PRKG1: variants seen among roughly 807,000 people sequenced by gnomAD.
PRKG1 encodes the protein cGMP-dependent protein kinase 1.
Under a neutral mutation model 88.1 loss-of-function variants are expected in PRKG1, and 35 were observed. The ratio of observed to expected loss-of-function variants is 0.40; its 90% CI spans 0.30 to 0.53. The LOEUF is 0.53. PRKG1 is among the 20% of genes least tolerant of loss of function. The pLI is 0.59. For missense variants in PRKG1, 540 were observed against 839.8 expected (o/e 0.64, Z 4.41); for synonymous variants, 303 against 292.5 (o/e 1.04, Z -0.37).
chr10:51,884,128 T>A (rs970776763), intron 4 of PRKG1, among the ~76,000 whole-genome samples: 3 of 151,734 alleles, frequency 2.0e-5, no homozygotes, highest in African/African-American at 4.8e-5. Context: ...GTGATACTTT[T>A]GTTTGAATGA....
At chr10:51,476,633 A>G (rs1444687535) in intron 3 of PRKG1, among the ~76,000 whole-genome samples, 1 of 151,916 alleles carries the variant, frequency 6.6e-6, no homozygotes, top group Admixed American at 6.6e-5. Context: ...CTTTATTTCT[A>G]AAGTAAAATT....
chr10:51,498,830 T>TA (rs1840938445), intron 3 of PRKG1, among the ~76,000 whole-genome samples: 1 of 152,064 alleles, frequency 6.6e-6, no homozygotes. Context: ...ATGGTTCTCT[T>TA]ACCTAATACT....
chr10:51,317,564 A>G (rs553120416), intron 2 of PRKG1, among the ~76,000 whole-genome samples: 2 of 152,318 alleles, frequency 1.3e-5, no homozygotes, highest in African/African-American at 4.8e-5. Flanking sequence ...AAGTAGTTGA[A>G]AGGGAAAGAA....
At chr10:51,904,464 G>A (rs1842043899) in intron 4 of PRKG1, among the ~76,000 whole-genome samples, 1 of 152,040 alleles carries the variant, frequency 6.6e-6, no homozygotes, top group African/African-American at 2.4e-5. Context: ...ATTCTGAATT[G>A]TTTTGTTCCT....
chr10:51,274,502 T>TA (rs1454179358), intron 2 of PRKG1, among the ~76,000 whole-genome samples: 2 of 152,214 alleles, frequency 1.3e-5, no homozygotes, highest in Non-Finnish European at 2.9e-5. Flanking sequence ...CTCTGAGCCT[T>TA]AGTTTCCCCA....
At chr10:51,240,782 C>T (rs1190230386) in intron 2 of PRKG1, among the ~76,000 whole-genome samples, 1 of 152,042 alleles carries the variant, frequency 6.6e-6, no homozygotes, top group East Asian at 1.9e-4. Flanking sequence ...AAGAAAACTC[C>T]CTACTTAAAG....
chr10:51,793,197 C>A (rs1315753310), intron 3 of PRKG1, among the ~76,000 whole-genome samples: 1 of 141,882 alleles, frequency 7.0e-6, no homozygotes, highest in African/African-American at 2.6e-5. Context: ...ACAATATGAC[C>A]AGAATGAGAA....
intron 9 of PRKG1, among the ~76,000 whole-genome samples, chr10:52,235,586 T>C (rs1247557406): frequency 2.2e-5 from 3 of 134,954 alleles, no homozygotes; most frequent in Admixed American, 7.5e-5. Flanking sequence ...TACATAATGG[T>C]AAAGGGATCA....
chr10:52,239,924 T>A lies in PRKG1; in HGVS notation c.1077-11646T>A, dbSNP rs1840814997. ...GGAAAATGTATGGAAAGGCACCAGTTTCTAATATTATAGTCATCTCAATAT... is the reference window on the plus strand; with the variant it reads ...GGAAAATGTATGGAAAGGCACCAGTATCTAATATTATAGTCATCTCAATAT... On this transcript the variant is annotated intron_variant, in intron 9 of 17. Transcript: ENST00000373980. Among the ~76,000 whole-genome samples the A allele has an allele frequency of 2.0e-5, 3 of 152,190 alleles. No homozygotes were observed. The South Asian group carries it at 6.2e-4, about 31-fold the overall frequency.
chr10:51,317,314 A>T (rs1253041875), intron 2 of PRKG1, among the ~76,000 whole-genome samples: 1 of 152,196 alleles, frequency 6.6e-6, no homozygotes, highest in Non-Finnish European at 1.5e-5. Context: ...CAAGAGTCAC[A>T]TGTGGGCAAA....
intron 2 of PRKG1, among the ~76,000 whole-genome samples, chr10:51,345,352 ATAATGAC>A (rs1389629968): frequency 1.3e-5 from 2 of 152,292 alleles, no homozygotes; most frequent in East Asian, 3.9e-4. Context: ...TATTTTCTAA[ATAATGAC>A]TAATTTTGTT....
intron 9 of PRKG1, among the ~76,000 whole-genome samples, chr10:52,249,447 G>A (rs1057129763): frequency 3.9e-5 from 6 of 151,952 alleles, no homozygotes; most frequent in African/African-American, 1.5e-4. Context: ...TCATTCACTT[G>A]GTCTGTGGCA....
chr10:51,091,137 T>C (rs1448915290), intron 1 of PRKG1, among the ~76,000 whole-genome samples: 2 of 152,192 alleles, frequency 1.3e-5, no homozygotes, highest in Non-Finnish European at 2.9e-5. Context: ...GAGCTGATAA[T>C]GGAATGCTTT....
At chr10:51,019,079 G>A (rs113525274) in intron 1 of PRKG1, among the ~76,000 whole-genome samples, 1 of 152,162 alleles carries the variant, frequency 6.6e-6, no homozygotes, top group Non-Finnish European at 1.5e-5. Flanking sequence ...TCTATAGCTG[G>A]AAGGTTATGT....
chr10:51,566,223 A>G (rs1038247535), intron 3 of PRKG1, among the ~76,000 whole-genome samples: 4 of 152,070 alleles, frequency 2.6e-5, no homozygotes, highest in Non-Finnish European at 4.4e-5. Flanking sequence ...CTTGACTATG[A>G]TATGTCAAAG....
intron 13 of PRKG1, among the ~76,000 whole-genome samples, chr10:52,281,833 A>G (rs1352824244): frequency 6.6e-6 from 1 of 152,186 alleles, no homozygotes; most frequent in Non-Finnish European, 1.5e-5. Context: ...TTTTAGGTAC[A>G]GAAGAGATTC....
chr10:51,234,853 G>A (rs539142687), intron 2 of PRKG1, among the ~76,000 whole-genome samples: 3 of 151,932 alleles, frequency 2.0e-5, no homozygotes, highest in Non-Finnish European at 2.9e-5. Flanking sequence ...AATAACTTAC[G>A]ATTTTTGCTA....
At chr10:52,103,683 G>A (rs1317863927) in intron 7 of PRKG1, among the ~76,000 whole-genome samples, 1 of 151,892 alleles carries the variant, frequency 6.6e-6, no homozygotes, top group East Asian at 1.9e-4. Context: ...ATTTTCTACT[G>A]CACAGGGGAT....
At chr10:51,476,272 T>C (rs1840192353) in intron 3 of PRKG1, among the ~76,000 whole-genome samples, 1 of 152,136 alleles carries the variant, frequency 6.6e-6, no homozygotes, top group South Asian at 2.1e-4. Context: ...CAGTCAATAT[T>C]TGCAGGAGTC....
Sources: allele counts gnomAD v4.1 joint callset (sites outside exome capture counted in the v4.1 genomes callset), GRCh38; gene constraint gnomAD v4.1.1; transcripts MANE v1.5; gene names NCBI Gene and HGNC (gene_info 2026-07-23, HGNC 2026-07-21).